Variants in RBFOX3 observed in about 807,000 individuals in gnomAD.
RBFOX3 encodes RNA binding fox-1 homolog 3, also known as RNA binding protein fox-1 homolog 3.
RBFOX3 carries 17 observed loss-of-function variants against 48.7 expected under a neutral mutation model. The ratio of observed to expected loss-of-function variants is 0.35; its 90% CI spans 0.24 to 0.52. RBFOX3 has a LOEUF of 0.52. Ranked by LOEUF, RBFOX3 falls within the 20% of genes least tolerant of loss-of-function variation. The pLI, the probability that RBFOX3 is intolerant of heterozygous loss-of-function variation, is 0.94. For synonymous variants in RBFOX3, 212 were observed against 209.5 expected (o/e 1.01, Z -0.10); for missense variants, 382 against 497.5 (o/e 0.77, Z 2.21).
chr17:79,441,461 C>G (rs572388261), intron 2 of RBFOX3, among the ~76,000 whole-genome samples: 11 of 152,312 alleles, frequency 7.2e-5, no homozygotes, highest in Non-Finnish European at 1.0e-4. Flanking sequence ...GAGGCACACC[C>G]AGGGAGGTGG....
intron 2 of RBFOX3, among the ~76,000 whole-genome samples, chr17:79,338,493 C>A (rs1031922914): frequency 6.6e-6 from 1 of 152,156 alleles, no homozygotes; most frequent in African/African-American, 2.4e-5. Context: ...TGTGAAACAG[C>A]TTTTCCAGAA....
chr17:79,136,675 C>G (rs1272308431), intron 4 of RBFOX3, among the ~76,000 whole-genome samples: 6 of 152,154 alleles, frequency 3.9e-5, no homozygotes, highest in African/African-American at 1.4e-4. Context: ...GCACCGGGAA[C>G]CTGCTGATCC....
chr17:79,444,020 A>C (rs1459830898), intron 2 of RBFOX3, among the ~76,000 whole-genome samples: 1 of 152,152 alleles, frequency 6.6e-6, no homozygotes, highest in Admixed American at 6.5e-5. Context: ...CAGGAAGCAA[A>C]GTCAAAGCTC....
At chr17:79,403,858 C>T (rs1764879261) in intron 2 of RBFOX3, among the ~76,000 whole-genome samples, 1 of 147,062 alleles carries the variant, frequency 6.8e-6, no homozygotes, top group South Asian at 2.1e-4. Flanking sequence ...CGGCTCACTG[C>T]AAGCTCCACC....
intron 1 of RBFOX3, among the ~76,000 whole-genome samples, chr17:79,512,323 G>A (rs568752573): frequency 5.3e-4 from 59 of 112,292 alleles, no homozygotes; most frequent in Admixed American, 1.3e-3. Flanking sequence ...ACACCCACCC[G>A]GATACGTGTT....
intron 4 of RBFOX3, among the ~76,000 whole-genome samples, chr17:79,124,629 C>T (rs1159979405): frequency 2.1e-5 from 3 of 144,624 alleles, no homozygotes; most frequent in South Asian, 2.3e-4. Flanking sequence ...GGCACCAGCT[C>T]GGGTGTGGGG....
In RBFOX3 at chr17:79,363,776, C is replaced by T. The variant is rs1171837281; in HGVS notation, c.-174-55952G>A. On this transcript the variant is annotated intron_variant, in intron 2 of 14. Coordinates refer to ENST00000693108, the MANE Select transcript of RBFOX3 (RefSeq NM_001350451.2). This position sits in a 1 kb window ranked among gnomAD's most constrained non-coding sequence, Gnocchi z 4.7. ...CTCAGCCCGTCCGCCCCCCAGCAGC[C>T]TGGGTCTGACTGAGGAAGGTCAATC... 6.6e-6 allele frequency among the ~76,000 whole-genome samples: 1 copy of T among 152,132 alleles called. No individual in the cohort carries two copies. Among genetic ancestry groups the T allele is most frequent in the East Asian group, 1.9e-4 (1 of 5,186 alleles).
At chr17:79,452,724 C>T (rs1280521224) in intron 2 of RBFOX3, among the ~76,000 whole-genome samples, 3 of 152,198 alleles carry the variant, frequency 2.0e-5, no homozygotes, top group African/African-American at 7.2e-5. Flanking sequence ...GCCACAGCCC[C>T]TGCCAACTGC....
intron 1 of RBFOX3, among the ~76,000 whole-genome samples, chr17:79,516,424 A>G (rs1330162755): frequency 1.3e-5 from 2 of 152,230 alleles, no homozygotes; most frequent in African/African-American, 4.8e-5. Flanking sequence ...GGGCAGAGAG[A>G]CACAGGCTCT....
rs931921224 is a variant in RBFOX3, at chr17:79,371,792, C to T, written c.-174-63968G>A. Among the ~76,000 whole-genome samples the T allele has an allele frequency of 4.0e-4, 61 of 152,288 alleles. No individual in the cohort carries two copies. The Middle Eastern group carries it at 0.01, about 25-fold the overall frequency. On this transcript the variant is annotated intron_variant, in intron 2 of 14. Coordinates refer to ENST00000693108, the MANE Select transcript of RBFOX3 (RefSeq NM_001350451.2). The stretch of plus-strand genomic sequence containing the variant: ...GGGGTCACCCTTGGGAGCAGAGCCT[C>T]GCCCTGGTCAGCCGTGCCCTGAGGG...
chr17:79,355,450 G>T (rs989147463), intron 2 of RBFOX3, among the ~76,000 whole-genome samples: 1 of 152,194 alleles, frequency 6.6e-6, no homozygotes, highest in Non-Finnish European at 1.5e-5. Flanking sequence ...GGCCCCGGGC[G>T]ATGGTGGCAG....
Position 79,161,594 on chromosome 17 carries a change from T to G in RBFOX3, c.-33-45846A>C, listed in dbSNP as rs368246965. The stretch of plus-strand genomic sequence containing the variant: ...TCCGGTTATGGCTCTTCCGTTTTTT[T>G]TTTGTGTGTGTGTTTTTTTGAGACA... On this transcript the variant is annotated intron_variant, in intron 4 of 14. Transcript: ENST00000693108. 1.9e-3 allele frequency among the ~76,000 whole-genome samples: 288 copies of G among 152,252 alleles called. 1 individual carries two copies. Among genetic ancestry groups the G allele is most frequent in the African/African-American group, 4.7e-3 (194 of 41,552 alleles).
intron 2 of RBFOX3, among the ~76,000 whole-genome samples, chr17:79,444,383 T>C (rs1555736862): frequency 6.6e-6 from 1 of 152,006 alleles, no homozygotes; most frequent in Admixed American, 6.6e-5. Flanking sequence ...CAGCTGGGCA[T>C]GCATCACCGA....
intron 2 of RBFOX3, among the ~76,000 whole-genome samples, chr17:79,354,737 A>G (rs888076320): frequency 3.3e-5 from 5 of 152,224 alleles, no homozygotes; most frequent in African/African-American, 1.2e-4. Flanking sequence ...TGAGAGACTC[A>G]GGCACAGGGA....
At chr17:79,355,298 CT>C (rs1288983746) in intron 2 of RBFOX3, among the ~76,000 whole-genome samples, 1 of 152,232 alleles carries the variant, frequency 6.6e-6, no homozygotes, top group East Asian at 1.9e-4. Context: ...ATCGAGGGCT[CT>C]GGGGAGACGT....
At chr17:79,636,513 G>C in the RBFOX3 span, among the ~76,000 whole-genome samples, 3 of 151,844 alleles carry the variant, frequency 2.0e-5, no homozygotes, top group Admixed American at 2.0e-4. Flanking sequence ...CTTTAAAATG[G>C]TTTTAAGAAC....
At chr17:79,607,654 AG>A (rs1270456927) in intron 1 of RBFOX3, among the ~76,000 whole-genome samples, 1 of 152,188 alleles carries the variant, frequency 6.6e-6, no homozygotes, top group African/African-American at 2.4e-5. Flanking sequence ...TAAACCAAGC[AG>A]GGCCCCTGCC....
In RBFOX3 at chr17:79,492,894, G is replaced by C. The variant is rs997935168; in HGVS notation, c.-319-10296C>G. Among the ~76,000 whole-genome samples the C allele has an allele frequency of 9.8e-5, 15 of 152,306 alleles. No individual in the cohort carries two copies. In the East Asian group the frequency reaches 2.9e-3, roughly 29 times the overall value. On this transcript the variant is annotated intron_variant, in intron 1 of 14. Transcript: ENST00000693108. ...GGAGAGAAAGGCCCGTGAGGAGGGA[G>C]GAGGAAGAGCCCTCAAAAGGAGGAA...
At chr17:79,503,042 T>C (rs1430432083) in intron 1 of RBFOX3, among the ~76,000 whole-genome samples, 3 of 152,172 alleles carry the variant, frequency 2.0e-5, no homozygotes, top group Non-Finnish European at 4.4e-5. Flanking sequence ...TGGTCGGGTT[T>C]TGTGGAGGGC....
Sources: allele counts gnomAD v4.1 joint callset (sites outside exome capture counted in the v4.1 genomes callset), GRCh38; gene constraint gnomAD v4.1.1; non-coding constraint Gnocchi (gnomAD v3.1); transcripts MANE v1.5; gene names NCBI Gene and HGNC (gene_info 2026-07-23, HGNC 2026-07-21).